Variants in TKFC observed in about 807,000 individuals in gnomAD.
The protein encoded by TKFC is triokinase/FMN cyclase.
Under a neutral mutation model 61.0 loss-of-function variants are expected in TKFC, and 46 were observed. The observed-to-expected ratio is 0.75, with a 90% CI of 0.60 to 0.96. The LOEUF (loss-of-function observed/expected upper bound fraction) is 0.96. Ranked by LOEUF, TKFC falls within the 50% of genes least tolerant of loss-of-function variation. TKFC has a pLI of 0.00. For missense variants in TKFC, 715 were observed against 777.5 expected (o/e 0.92, Z 0.96); for synonymous variants, 314 against 330.1 (o/e 0.95, Z 0.53).
intron 12 of TKFC, 25 bp from the exon 13 acceptor site, chr11:61,344,111 G>A: frequency 6.2e-7 from 1 of 1,611,046 alleles, no homozygotes; most frequent in Non-Finnish European, 8.5e-7. Flanking sequence ...TGGTGGGCCT[G>A]TTCTTCAGCA....
chr11:61,345,226 C>A, intron 13 of TKFC, 34 bp from the exon 14 acceptor site: 1 of 1,477,884 alleles, frequency 6.8e-7, no homozygotes, highest in Non-Finnish European at 9.1e-7. Flanking sequence ...GAGGGAGGAT[C>A]TCTGAATTCC....
intron 13 of TKFC, 84 bp downstream of exon 13, chr11:61,344,357 T>G: frequency 7.9e-7 from 1 of 1,272,504 alleles, no homozygotes; most frequent in Non-Finnish European, 1.0e-6. Flanking sequence ...GCAGGGACCT[T>G]CCTTTTTTTT....
intron 12 of TKFC, 58 bp downstream of exon 12, chr11:61,344,033 G>T: frequency 1.2e-6 from 2 of 1,600,302 alleles, no homozygotes; most frequent in Admixed American, 3.4e-5. Flanking sequence ...AGGAGTATAC[G>T]GTGGGGCGGG....
At chr11:61,338,848 GGGGAGGGAGCTGGTGACTGCTTCAGGCT>G (rs1856725353) in intron 3 of TKFC, among the ~76,000 whole-genome samples, 190 bp from the exon 4 acceptor site, 1 of 152,168 alleles carries the variant, frequency 6.6e-6, no homozygotes, top group Admixed American at 6.5e-5. Flanking sequence ...GTGAGTCCCT[GGGGAGGGAGCTGGTGACTGCTTCAGGCT>G]GGGAGGTCAC....
intron 5 of TKFC, among the ~76,000 whole-genome samples, chr11:61,339,980 C>CT (rs964378442): frequency 3.9e-5 from 6 of 151,950 alleles, no homozygotes; most frequent in South Asian, 2.1e-4. Context: ...CTGCCTTCCT[C>CT]TTTTTTTTAT....
chr11:61,343,876 G>T lies in TKFC; in HGVS notation c.1003G>T (p.Ala335Ser). 1 of 1,610,308 alleles carries T rather than the reference G, an allele frequency of 6.2e-7. No homozygotes were observed. Among genetic ancestry groups the T allele is most frequent in the Non-Finnish European group, 8.5e-7 (1 of 1,179,908 alleles). The change falls in exon 12 of 18, where the codon GCC becomes TCC. Residue 335 changes from alanine to serine, a missense_variant. Coordinates refer to ENST00000394900, the MANE Select transcript of TKFC (RefSeq NM_015533.4). Reference protein sequence around the residue: ...KLIDAETTAAAWPNVAAVSIT... With the variant: ...KLIDAETTAASWPNVAAVSIT... ...CTTAGATGCTGAAACCACTGCAGCAGCCTGGCCTAACGTGGCTGCAGTCTC... is the reference window on the plus strand; with the variant it reads ...CTTAGATGCTGAAACCACTGCAGCATCCTGGCCTAACGTGGCTGCAGTCTC...
downstream of TKFC, chr11:61,350,458 A>G (rs1338330382): frequency 1.9e-6 from 3 of 1,609,000 alleles, no homozygotes; most frequent in East Asian, 2.2e-5. Flanking sequence ...AGTTAATGAC[A>G]TGATGCAGGA....
Position 61,342,627 on chromosome 11 carries a change from C to A in TKFC, c.744C>A (p.Thr248=), listed in dbSNP as rs772757838. 3 of 1,614,070 alleles carry A rather than the reference C, an allele frequency of 1.9e-6. No individual in the cohort carries two copies. In the Admixed American group the frequency reaches 5.0e-5, roughly 27 times the overall value. The part of the protein sequence containing the change: ...VKLMLDHMTN[T]TNASHVPVQP... ...TCATGCTCGACCACATGACAAACAC[C>A]ACCAACGCGTCCCATGTGCCTGTGC... Residue 248 remains threonine, a synonymous_variant, in exon 9 of 18, where the codon ACC becomes ACA. Coordinates refer to ENST00000394900, the MANE Select transcript of TKFC (RefSeq NM_015533.4).
Position 61,339,124 on chromosome 11 carries a change from G to A in TKFC, c.252G>A (p.Pro84=), listed in dbSNP as rs761223611. Residue 84 remains proline, a synonymous_variant, in exon 4 of 18, where the codon CCG becomes CCA. Coordinates refer to ENST00000394900, the MANE Select transcript of TKFC (RefSeq NM_015533.4). The part of the protein sequence containing the change: ...GVIAGAVFTS[P]AVGSILAAIR... Reference sequence around the variant, plus strand: ...TCGCGGGAGCTGTGTTCACCTCCCCGGCAGTGGGCAGCATCCTGGCAGCCA... The same window carrying A: ...TCGCGGGAGCTGTGTTCACCTCCCCAGCAGTGGGCAGCATCCTGGCAGCCA... The A allele has an allele frequency of 9.3e-6, 15 of 1,613,788 alleles. No homozygotes were observed. The highest frequency in any genetic ancestry group is 1.3e-5 in the Non-Finnish European group (15 of 1,180,002).
Position 61,346,407 on chromosome 11 carries a change from C to A in TKFC, c.1632C>A (p.Ala544=). The A allele has an allele frequency of 6.2e-7, 1 of 1,612,534 alleles. No individual in the cohort carries two copies. The highest frequency in any genetic ancestry group is 1.1e-5 in the South Asian group (1 of 91,070). Residue 544 remains alanine, a synonymous_variant, in exon 18 of 18, where the codon GCC becomes GCA. Transcript: ENST00000394900. The surrounding 1 kb of genome is among the most constrained non-coding windows in gnomAD (Gnocchi z 4.1). ...TKNMEAGAGR[A]SYISSARLEQ... ...ATATGGAAGCTGGAGCCGGAAGAGC[C>A]AGTTATATCAGCTCAGCACGGCTGG...
At chr11:61,338,792 G>C (rs770997807) in intron 3 of TKFC, among the ~76,000 whole-genome samples, 1 of 152,116 alleles carries the variant, frequency 6.6e-6, no homozygotes, top group South Asian at 2.1e-4. Context: ...CATTTCAGAG[G>C]GTGCTAAGTG....
chr11:61,345,347 T>C lies in TKFC; in HGVS notation c.1328T>C (p.Met443Thr), dbSNP rs1353845443. 8.1e-6 allele frequency: 13 copies of C among 1,603,842 alleles called. No homozygotes were observed. The highest frequency in any genetic ancestry group is 1.1e-5 in the Non-Finnish European group (13 of 1,172,808). ...TTGTCTGTCCTGCTCCTGGAGAAGATGGGAGGCTCATCTGGGGCGGTGGGT... is the reference window on the plus strand; with the variant it reads ...TTGTCTGTCCTGCTCCTGGAGAAGACGGGAGGCTCATCTGGGGCGGTGGGT... The part of the protein sequence containing the change: ...SKLSVLLLEK[M>T]GGSSGALYGL... Residue 443 changes from methionine to threonine, a missense_variant, in exon 14 of 18, where the codon ATG becomes ACG. Transcript: ENST00000394900.
intron 5 of TKFC, among the ~76,000 whole-genome samples, chr11:61,340,833 G>A (rs1043156153): frequency 2.6e-5 from 4 of 152,092 alleles, no homozygotes; most frequent in Non-Finnish European, 5.9e-5. Flanking sequence ...TCCCCACCTG[G>A]AAGGCTCTCC....
chr11:61,350,291 G>T, downstream of TKFC: 1 of 1,429,434 alleles, frequency 7.0e-7, no homozygotes. Context: ...CCCAGCATTG[G>T]AAGAAAGTCG....
chr11:61,341,438 G>T lies in TKFC; in HGVS notation c.489G>T (p.Val163=). 1 of 1,553,404 alleles carries T rather than the reference G, an allele frequency of 6.4e-7. No individual in the cohort carries two copies. The highest frequency in any genetic ancestry group is 8.7e-7 in the Non-Finnish European group (1 of 1,147,800). ...GLCGTVLIHK[V]AGALAEAGVG... is the part of the protein sequence containing the mutation. ...CTTTTACCTCTTTGTGGCTGCAGGT[G>T]GCAGGTGCTCTGGCTGAGGCTGGTG... Residue 163 remains valine (V), a splice_region_variant and synonymous_variant, in exon 6 of 18, where the codon GTG becomes GTT. Transcript: ENST00000394900.
chr11:61,350,891 C>T, downstream of TKFC: 2 of 1,475,742 alleles, frequency 1.4e-6, no homozygotes. Context: ...CCTGCTGTGC[C>T]ACAGGGTAAG....
intron 6 of TKFC, 92 bp downstream of exon 6, chr11:61,341,606 C>T: frequency 7.0e-7 from 1 of 1,421,620 alleles, no homozygotes; most frequent in Admixed American, 2.0e-5. Flanking sequence ...CCTAGCGGTG[C>T]TCCCCAGGTT....
downstream of TKFC, chr11:61,351,284 CTTTTTTTTTTTT>C (rs909648792): frequency 6.8e-6 from 2 of 293,470 alleles, no homozygotes; most frequent in East Asian, 1.0e-4. Flanking sequence ...AACACCCTTT[CTTTTTTTTTTTT>C]TTTTTTTTTT....
In TKFC at chr11:61,347,084, A is replaced by G. The variant is rs1187088256; in HGVS notation, c.*581A>G. 1.0e-6 allele frequency: 1 copy of G among 985,336 alleles called. No individual in the cohort carries two copies. Among genetic ancestry groups the G allele is most frequent in the Non-Finnish European group, 1.2e-6 (1 of 830,136 alleles). 61.0% of individuals were successfully genotyped at this position (985,336 alleles called of 1,614,324 possible). A position where few individuals can be genotyped will look rare whatever the true frequency, so the allele number is the denominator to read the frequency against. On this transcript the variant is annotated 3_prime_UTR_variant, in exon 18 of 18. Coordinates refer to ENST00000394900, the MANE Select transcript of TKFC (RefSeq NM_015533.4). Reference sequence around the variant, plus strand: ...TGGGCTGCTTCCACTGAGACCCCCGACCCATCCCCTTTCCAGTACACACAC... The same window carrying G: ...TGGGCTGCTTCCACTGAGACCCCCGGCCCATCCCCTTTCCAGTACACACAC...
Sources: gnomAD v4.1 joint callset for allele counts (sites outside exome capture counted in the v4.1 genomes callset) on GRCh38, gnomAD v4.1.1 for gene constraint, Gnocchi (gnomAD v3.1) non-coding constraint, MANE v1.5 for transcripts, NCBI Gene and HGNC (gene_info 2026-07-23, HGNC 2026-07-21) for gene names.